The following TSPAN9 variants were observed in gnomAD, a reference collection of about 807,000 sequenced individuals.
TSPAN9 encodes tetraspanin-9.
TSPAN9 carries 16 observed loss-of-function variants against 31.0 expected under a neutral mutation model. That is an observed-to-expected ratio of 0.52 (90% confidence interval 0.35 to 0.78). The LOEUF (loss-of-function observed/expected upper bound fraction) is 0.78, where lower values mean the gene tolerates loss of function less well. Among genes scored for constraint, TSPAN9 ranks in the 30% least tolerant of loss-of-function variants. The probability of loss-of-function intolerance (pLI) is 0.01; values close to 1 mark genes in which losing one functional copy is unlikely to be tolerated. For synonymous variants in TSPAN9, 145 were observed against 121.6 expected (o/e 1.19, Z -1.27); for missense variants, 272 against 312.5 (o/e 0.87, Z 0.98).
chr12:3,190,677 C>T (rs1211927367), intron 2 of TSPAN9, among the ~76,000 whole-genome samples: 2 of 152,190 alleles, frequency 1.3e-5, no homozygotes, highest in African/African-American at 4.8e-5. Context: ...TCTCTGCTGC[C>T]CCCTCTTATC....
At chr12:3,216,689 C>T (rs537929950) in intron 3 of TSPAN9, among the ~76,000 whole-genome samples, 1 of 152,304 alleles carries the variant, frequency 6.6e-6, no homozygotes, top group African/African-American at 2.4e-5. Flanking sequence ...CAGGTGTGGT[C>T]CGGAGGTGGT....
chr12:3,157,212 T>G (rs11834739), intron 2 of TSPAN9, among the ~76,000 whole-genome samples: 4,254 of 151,764 alleles, frequency 0.028, 205 homozygotes, highest in African/African-American at 0.097. Context: ...CCATTCTCCT[T>G]CCTCAGCCTC....
chr12:3,207,185 T>C (rs2098375747), intron 3 of TSPAN9, among the ~76,000 whole-genome samples: 2 of 152,082 alleles, frequency 1.3e-5, no homozygotes, highest in Admixed American at 1.3e-4. Flanking sequence ...CAGGGTTGTT[T>C]TGTTTTTCTG....
chr12:3,142,487 A>G (rs997468111), intron 2 of TSPAN9, among the ~76,000 whole-genome samples: 2 of 152,212 alleles, frequency 1.3e-5, no homozygotes, highest in African/African-American at 4.8e-5. Flanking sequence ...GAAAGGTGAT[A>G]TATAAATGTA....
At chr12:3,173,170 C>T (rs2098353026) in intron 2 of TSPAN9, 1 of 152,588 alleles carries the variant, frequency 6.6e-6, no homozygotes, top group Admixed American at 6.5e-5. Context: ...GGAGGGTGCT[C>T]ACTGTGCCCG....
chr12:3,092,422 C>A (rs748844408), intron 2 of TSPAN9, among the ~76,000 whole-genome samples: 32 of 152,190 alleles, frequency 2.1e-4, no homozygotes, highest in Admixed American at 1.6e-3. Flanking sequence ...GGTCAGTCCC[C>A]AGCTCTTTCT....
At chr12:3,234,874 A>C (rs2153976439) in intron 3 of TSPAN9, among the ~76,000 whole-genome samples, 1 of 152,028 alleles carries the variant, frequency 6.6e-6, no homozygotes. Flanking sequence ...AATATAGGTA[A>C]GTGAGGCCGG....
At chr12:3,125,240 T>C (rs886215410) in intron 2 of TSPAN9, among the ~76,000 whole-genome samples, 35 of 152,082 alleles carry the variant, frequency 2.3e-4, no homozygotes, top group African/African-American at 8.5e-4. Flanking sequence ...ATGTACTTGC[T>C]AACATTTCTC....
intron 2 of TSPAN9, among the ~76,000 whole-genome samples, chr12:3,104,783 A>G (rs2098313473): frequency 6.6e-6 from 1 of 152,140 alleles, no homozygotes; most frequent in South Asian, 2.1e-4. Context: ...GAAAGTAAAC[A>G]TTTTGTCCGA....
chr12:3,219,221 G>A (rs976173547), intron 3 of TSPAN9, among the ~76,000 whole-genome samples: 14 of 152,178 alleles, frequency 9.2e-5, no homozygotes, highest in Admixed American at 2.6e-4. Flanking sequence ...AAGAATGTTC[G>A]ACCTCTCTAG....
At chr12:3,223,525 G>T (rs74818167) in intron 3 of TSPAN9, among the ~76,000 whole-genome samples, 62,966 of 151,972 alleles carry the variant, frequency 0.41, 13,667 homozygotes, top group South Asian at 0.65. Context: ...TGGAGTAACA[G>T]CCCCAAGACC....
intron 2 of TSPAN9, among the ~76,000 whole-genome samples, chr12:3,099,662 A>T (rs1591627540): frequency 6.6e-6 from 1 of 152,212 alleles, no homozygotes; most frequent in Non-Finnish European, 1.5e-5. Context: ...ATTGGGCTTT[A>T]TTCTGGCATT....
At chr12:3,164,714 C>T (rs1002949565) in intron 2 of TSPAN9, among the ~76,000 whole-genome samples, 6 of 152,272 alleles carry the variant, frequency 3.9e-5, no homozygotes, top group East Asian at 1.9e-4. Context: ...TACTTGATCA[C>T]AGCACTGTTA....
chr12:3,104,441 C>T (rs2098313284), intron 2 of TSPAN9, among the ~76,000 whole-genome samples: 1 of 152,008 alleles, frequency 6.6e-6, no homozygotes, highest in African/African-American at 2.4e-5. Flanking sequence ...AAGCCTCAAC[C>T]TCCTGGGTTC....
intron 3 of TSPAN9, chr12:3,206,507 C>T (rs896946737): frequency 3.3e-6 from 1 of 305,060 alleles, no homozygotes; most frequent in Non-Finnish European, 7.1e-6. Flanking sequence ...TACACCCACA[C>T]AGCCACTTTC....
intron 2 of TSPAN9, among the ~76,000 whole-genome samples, chr12:3,130,463 A>G (rs994637544): frequency 3.3e-5 from 5 of 152,200 alleles, no homozygotes; most frequent in Non-Finnish European, 7.3e-5. Flanking sequence ...CTGGAAAGGC[A>G]TCTCCAGGTG....
At chr12:3,203,548 C>T (rs1476087295) in intron 3 of TSPAN9, among the ~76,000 whole-genome samples, 7 of 152,282 alleles carry the variant, frequency 4.6e-5, no homozygotes, top group South Asian at 2.1e-4. Flanking sequence ...AACTTGCTGT[C>T]GCTTCCTAAT....
intron 3 of TSPAN9, among the ~76,000 whole-genome samples, chr12:3,245,252 CA>C (rs375528100): frequency 1.0e-3 from 157 of 152,362 alleles, no homozygotes; most frequent in African/African-American, 3.6e-3. Flanking sequence ...GCCGGTGGAG[CA>C]GCCCTGGAAG....
intron 3 of TSPAN9, among the ~76,000 whole-genome samples, chr12:3,275,745 G>A (rs1267893549): frequency 1.3e-5 from 2 of 152,206 alleles, no homozygotes; most frequent in African/African-American, 2.4e-5. Context: ...GGTTCCATGT[G>A]GGGCTGCGCC....
Sources: allele counts gnomAD v4.1 joint callset (sites outside exome capture counted in the v4.1 genomes callset), GRCh38; gene constraint gnomAD v4.1.1; transcripts MANE v1.5; gene names NCBI Gene and HGNC (gene_info 2026-07-23, HGNC 2026-07-21).